Variants in PDSS2 observed in about 807,000 individuals in gnomAD.
PDSS2 encodes decaprenyl diphosphate synthase subunit 2, also known as all trans-polyprenyl-diphosphate synthase PDSS2.
PDSS2 carries 31 observed loss-of-function variants against 44.5 expected under a neutral mutation model. The observed-to-expected ratio is 0.70, with a 90% CI of 0.52 to 0.94. The LOEUF is 0.94. Ranked by LOEUF, PDSS2 falls within the 40% of genes least tolerant of loss-of-function variation. The pLI, the probability that PDSS2 is intolerant of heterozygous loss-of-function variation, is 0.00. For missense variants in PDSS2, 452 were observed against 482.2 expected (o/e 0.94, Z 0.59); for synonymous variants, 157 against 180.3 (o/e 0.87, Z 1.03).
chr6:107,216,430 G>A (rs923971129), intron 4 of PDSS2, among the ~76,000 whole-genome samples: 4 of 152,108 alleles, frequency 2.6e-5, no homozygotes, highest in South Asian at 2.1e-4. Flanking sequence ...CTGAGATTGC[G>A]CCACTGCACT....
chr6:107,262,744 C>T (rs1262124078), intron 3 of PDSS2, among the ~76,000 whole-genome samples: 1 of 151,830 alleles, frequency 6.6e-6, no homozygotes, highest in Non-Finnish European at 1.5e-5. Context: ...TGCACTTCAG[C>T]CTGGGTGACA....
At chr6:107,275,951 A>G (rs1230580727) in intron 2 of PDSS2, among the ~76,000 whole-genome samples, 1 of 151,880 alleles carries the variant, frequency 6.6e-6, no homozygotes, top group Non-Finnish European at 1.5e-5. Context: ...CTATCTCTAC[A>G]AAAAATTAAA....
chr6:107,190,961 G>A (rs377277409), intron 7 of PDSS2, among the ~76,000 whole-genome samples: 46 of 151,908 alleles, frequency 3.0e-4, no homozygotes, highest in African/African-American at 1.0e-3. Context: ...GCGTGATCTC[G>A]GCTCACTGCA....
At chr6:107,181,523 ATC>A (rs1771977792) in intron 7 of PDSS2, among the ~76,000 whole-genome samples, 1 of 134,558 alleles carries the variant, frequency 7.4e-6, no homozygotes, top group African/African-American at 2.8e-5. Context: ...ACAAGAGTGA[ATC>A]TCTGTCTCAA....
intron 1 of PDSS2, among the ~76,000 whole-genome samples, chr6:107,350,585 A>G (rs1333431162): frequency 6.6e-6 from 1 of 152,150 alleles, no homozygotes; most frequent in Non-Finnish European, 1.5e-5. Context: ...GCTGAGGGAG[A>G]AGGCCAGGAT....
At chr6:107,325,455 G>A in intron 2 of PDSS2, among the ~76,000 whole-genome samples, 1 of 152,192 alleles carries the variant, frequency 6.6e-6, no homozygotes, top group Non-Finnish European at 1.5e-5. Flanking sequence ...TGAAGAATTA[G>A]CACAAATGCG....
intron 2 of PDSS2, among the ~76,000 whole-genome samples, chr6:107,295,147 T>C (rs1776472383): frequency 6.6e-6 from 1 of 152,172 alleles, no homozygotes; most frequent in South Asian, 2.1e-4. Flanking sequence ...TTGGCCAGGC[T>C]GGTCTTGAAC....
chr6:107,235,231 G>C (rs1464132793), intron 4 of PDSS2, among the ~76,000 whole-genome samples: 2 of 152,196 alleles, frequency 1.3e-5, no homozygotes, highest in African/African-American at 4.8e-5. Context: ...GAGAGCTGCA[G>C]AGAGAGCTCT....
At chr6:107,364,027 C>G (rs577103892) in intron 1 of PDSS2, among the ~76,000 whole-genome samples, 2 of 150,690 alleles carry the variant, frequency 1.3e-5, no homozygotes, top group Non-Finnish European at 3.0e-5. Flanking sequence ...AGGTTCTCCA[C>G]GTCCTCACCA....
chr6:107,419,664 T>C (rs1780765190), intron 1 of PDSS2, among the ~76,000 whole-genome samples: 1 of 152,220 alleles, frequency 6.6e-6, no homozygotes, highest in Admixed American at 6.5e-5. Context: ...CTCTACTGTA[T>C]TTTCCAGGTA....
At chr6:107,263,416 G>A (rs964421257) in intron 3 of PDSS2, among the ~76,000 whole-genome samples, 10 of 151,080 alleles carry the variant, frequency 6.6e-5, no homozygotes, top group South Asian at 2.1e-4. Flanking sequence ...CTGAGCCACT[G>A]CACTCCAGCC....
intron 2 of PDSS2, among the ~76,000 whole-genome samples, chr6:107,302,981 G>C (rs1444472142): frequency 6.6e-6 from 1 of 151,988 alleles, no homozygotes; most frequent in African/African-American, 2.4e-5. Context: ...GTGGCTACTA[G>C]CAGATTAAAA....
At chr6:107,318,175 G>A (rs575754525) in intron 2 of PDSS2, among the ~76,000 whole-genome samples, 8 of 151,990 alleles carry the variant, frequency 5.3e-5, no homozygotes, top group African/African-American at 1.9e-4. Context: ...GGAATCCTGA[G>A]CGGTAAACAG....
intron 1 of PDSS2, among the ~76,000 whole-genome samples, chr6:107,377,714 T>G (rs1010988205): frequency 3.3e-5 from 5 of 152,090 alleles, no homozygotes; most frequent in South Asian, 2.1e-4. Context: ...CCATAAAAAA[T>G]GATGAGTTCA....
intron 2 of PDSS2, among the ~76,000 whole-genome samples, chr6:107,331,496 T>C (rs1031735113): frequency 6.6e-6 from 1 of 152,174 alleles, no homozygotes; most frequent in African/African-American, 2.4e-5. Flanking sequence ...TTGCTTGGAT[T>C]ATAATGACCA....
At chr6:107,276,124 G>GAAAAAAAAAAA (rs1775774129) in intron 2 of PDSS2, among the ~76,000 whole-genome samples, 1 of 12,688 alleles carries the variant, frequency 7.9e-5, no homozygotes, top group South Asian at 2.9e-3. Context: ...CAAAAAAAAG[G>GAAAAAAAAAAA]AAAGAAAAGA....
At chr6:107,334,754 C>G (rs571488626) in intron 1 of PDSS2, among the ~76,000 whole-genome samples, 2 of 151,400 alleles carry the variant, frequency 1.3e-5, no homozygotes, top group Admixed American at 6.6e-5. Flanking sequence ...TGCTATGTTG[C>G]CCAGACTGGT....
intron 1 of PDSS2, among the ~76,000 whole-genome samples, chr6:107,446,050 G>A (rs1342807805): frequency 3.9e-5 from 6 of 152,164 alleles, no homozygotes. Context: ...AGGCGCGGTG[G>A]CTCATGCCTG....
At chr6:107,340,755 G>A (rs1005497524) in intron 1 of PDSS2, among the ~76,000 whole-genome samples, 6 of 152,250 alleles carry the variant, frequency 3.9e-5, no homozygotes, top group Non-Finnish European at 5.9e-5. Flanking sequence ...AGTAGGAGAC[G>A]GGACTGGAAT....
Sources: allele counts gnomAD v4.1 joint callset (sites outside exome capture counted in the v4.1 genomes callset), GRCh38; gene constraint gnomAD v4.1.1; transcripts MANE v1.5; gene names NCBI Gene and HGNC (gene_info 2026-07-23, HGNC 2026-07-21).